ULK4: variants seen among roughly 807,000 people sequenced by gnomAD.
ULK4 encodes the protein inactive serine/threonine-protein kinase ULK4.
Under a neutral mutation model 160.6 loss-of-function variants are expected in ULK4, and 133 were observed. The ratio of observed to expected loss-of-function variants is 0.83; its 90% CI spans 0.72 to 0.96. The LOEUF (loss-of-function observed/expected upper bound fraction) is 0.96, where lower values mean the gene tolerates loss of function less well. ULK4 is among the 40% of genes least tolerant of loss of function. ULK4 has a pLI of 0.00. For synonymous variants in ULK4, 534 were observed against 539.8 expected (o/e 0.99, Z 0.15); for missense variants, 1,580 against 1,499.5 (o/e 1.05, Z -0.89).
At chr3:41,263,990 T>C (rs1575369044) in intron 35 of ULK4, among the ~76,000 whole-genome samples, 1 of 152,106 alleles carries the variant, frequency 6.6e-6, no homozygotes, top group South Asian at 2.1e-4. Context: ...GAGATGCTGA[T>C]AGGTGTCATG....
chr3:41,333,142 T>C (rs1461784320), intron 35 of ULK4, among the ~76,000 whole-genome samples: 1 of 152,224 alleles, frequency 6.6e-6, no homozygotes, highest in South Asian at 2.1e-4. Context: ...GAAGATATCA[T>C]CTACAGGTAT....
chr3:41,432,608 G>A (rs2082937512), intron 34 of ULK4, among the ~76,000 whole-genome samples: 1 of 152,108 alleles, frequency 6.6e-6, no homozygotes, highest in Non-Finnish European at 1.5e-5. Context: ...TCAAGGAGAT[G>A]ATATTTTCAT....
At chr3:41,486,194 T>TA (rs1169021868) in intron 32 of ULK4, among the ~76,000 whole-genome samples, 1 of 152,086 alleles carries the variant, frequency 6.6e-6, no homozygotes, top group Non-Finnish European at 1.5e-5. Flanking sequence ...TATAAAGGGC[T>TA]AAAAAATAAT....
At chr3:41,955,990 C>T (rs1340597240) in intron 1 of ULK4, among the ~76,000 whole-genome samples, 1 of 152,104 alleles carries the variant, frequency 6.6e-6, no homozygotes, top group Non-Finnish European at 1.5e-5. Context: ...GGCAGGGAAC[C>T]TAAGGCTGTT....
chr3:41,952,250 C>T (rs746207108), intron 2 of ULK4, among the ~76,000 whole-genome samples: 3 of 152,008 alleles, frequency 2.0e-5, no homozygotes, highest in Non-Finnish European at 2.9e-5. Context: ...GCACTATCAA[C>T]AAAGTGAAAA....
At chr3:41,579,536 C>A (rs1471110561) in intron 31 of ULK4, among the ~76,000 whole-genome samples, 2 of 141,620 alleles carry the variant, frequency 1.4e-5, no homozygotes, top group Non-Finnish European at 3.0e-5. Context: ...CTCTGTCGCC[C>A]AGGCTGGAGT....
intron 32 of ULK4, among the ~76,000 whole-genome samples, chr3:41,489,736 T>C (rs2084679326): frequency 3.9e-5 from 6 of 152,168 alleles, no homozygotes; most frequent in Admixed American, 3.9e-4. Context: ...AGTTCTCCTG[T>C]GGACTCAAAT....
chr3:41,897,615 C>T (rs1221376983), intron 14 of ULK4, among the ~76,000 whole-genome samples: 1 of 151,978 alleles, frequency 6.6e-6, no homozygotes, highest in East Asian at 1.9e-4. Context: ...ATAGTATTTC[C>T]AGGTGATAAT....
intron 32 of ULK4, among the ~76,000 whole-genome samples, chr3:41,512,859 T>A (rs1030032359): frequency 6.6e-6 from 1 of 152,150 alleles, no homozygotes; most frequent in African/African-American, 2.4e-5. Flanking sequence ...AGGTATCATA[T>A]TACCCAACTT....
chr3:41,950,242 AC>A (rs1242004771), intron 2 of ULK4, among the ~76,000 whole-genome samples: 1 of 150,260 alleles, frequency 6.7e-6, no homozygotes, highest in Non-Finnish European at 1.5e-5. Flanking sequence ...GCATGCCACC[AC>A]CCCCGGCTAA....
intron 21 of ULK4, among the ~76,000 whole-genome samples, chr3:41,768,516 G>A (rs553169895): frequency 1.3e-5 from 2 of 152,232 alleles, no homozygotes; most frequent in South Asian, 4.1e-4. Context: ...ATGCTGTGAG[G>A]AAGCCCAAAC....
intron 30 of ULK4, among the ~76,000 whole-genome samples, chr3:41,656,146 G>A (rs1402602463): frequency 6.6e-6 from 1 of 151,816 alleles, no homozygotes; most frequent in Non-Finnish European, 1.5e-5. Context: ...TCTGTCAATG[G>A]GATTACCTCC....
intron 32 of ULK4, among the ~76,000 whole-genome samples, chr3:41,525,422 C>T (rs1258411184): frequency 2.0e-5 from 3 of 152,176 alleles, no homozygotes; most frequent in East Asian, 1.9e-4. Context: ...ATCCAACAGC[C>T]GACCTGTATG....
intron 2 of ULK4, among the ~76,000 whole-genome samples, chr3:41,945,552 A>G (rs17218441): frequency 0.13 from 19,072 of 152,118 alleles, 1,377 homozygotes; most frequent in Middle Eastern, 0.27. Flanking sequence ...AAATGTTGCA[A>G]TGAAGGTCCT....
rs371761057 is a variant in ULK4, at chr3:41,302,840, G to A, written c.3679-53266C>T. On this transcript the variant is annotated intron_variant, in intron 35 of 36. Coordinates refer to ENST00000301831, the MANE Select transcript of ULK4 (RefSeq NM_017886.4). ...CTATGTTAGCAAACTGTCTATCGTT[G>A]GCTCTATATATGTCAAATTTTAGAT... Among the ~76,000 whole-genome samples, 6 of 152,130 alleles carry A rather than the reference G, an allele frequency of 3.9e-5. No individual in the cohort carries two copies. In the South Asian group the frequency reaches 1.2e-3, roughly 32 times the overall value.
chr3:41,628,109 A>C (rs1221146654), intron 30 of ULK4, among the ~76,000 whole-genome samples: 4 of 152,210 alleles, frequency 2.6e-5, no homozygotes. Context: ...AATGAACTGG[A>C]AGAAGTGTAG....
intron 35 of ULK4, among the ~76,000 whole-genome samples, chr3:41,273,877 T>C (rs905864769): frequency 6.6e-6 from 1 of 152,144 alleles, no homozygotes. Context: ...TCTTCACATA[T>C]GTCTGCTTCC....
At chr3:41,569,106 C>A (rs1328929734) in intron 31 of ULK4, among the ~76,000 whole-genome samples, 2 of 152,146 alleles carry the variant, frequency 1.3e-5, no homozygotes, top group Admixed American at 1.3e-4. Context: ...CCGGGCACAC[C>A]ACCCTCCAGC....
chr3:41,484,733 T>C lies in ULK4; in HGVS notation c.3227-21480A>G, dbSNP rs564465149. 3.9e-5 allele frequency among the ~76,000 whole-genome samples: 6 copies of C among 152,144 alleles called. No individual in the cohort carries two copies. The East Asian group carries it at 9.6e-4, about 24-fold the overall frequency. ...TCCCAAAGTGCTGGGATTACAGGCG[T>C]GAGCCACCGCGCCCGGCCCGAGTGA... On this transcript the variant is annotated intron_variant, in intron 32 of 36. Transcript: ENST00000301831.
Sources: allele counts gnomAD v4.1 joint callset (sites outside exome capture counted in the v4.1 genomes callset), GRCh38; gene constraint gnomAD v4.1.1; transcripts MANE v1.5; gene names NCBI Gene and HGNC (gene_info 2026-07-23, HGNC 2026-07-21).